Variants in MGAT4C observed in about 807,000 individuals in gnomAD.
MGAT4C encodes the protein alpha-1,3-mannosyl-glycoprotein 4-beta-N-acetylglucosaminyltransferase C.
Under a neutral mutation model 40.1 loss-of-function variants are expected in MGAT4C, and 19 were observed. The ratio of observed to expected loss-of-function variants is 0.47; its 90% confidence interval spans 0.33 to 0.70. The LOEUF (loss-of-function observed/expected upper bound fraction) is 0.70, where lower values mean the gene tolerates loss of function less well. Among genes scored for constraint, MGAT4C ranks in the 30% least tolerant of loss-of-function variants. The pLI is 0.02. For missense variants in MGAT4C, 491 were observed against 563.2 expected, an observed-to-expected ratio of 0.87 and a Z score of 1.30; for synonymous variants, 181 against 187.1, an observed-to-expected ratio of 0.97 and a Z score of 0.27.
At chr12:86,816,452 T>C (rs570378588) in intron 1 of MGAT4C, among the ~76,000 whole-genome samples, 1 of 151,798 alleles carries the variant, frequency 6.6e-6, no homozygotes, top group African/African-American at 2.4e-5. Context: ...GTTTCAAATT[T>C]TTTTAAAAAA....
chr12:86,713,139 C>T (rs865857324), intron 2 of MGAT4C, among the ~76,000 whole-genome samples: 7 of 151,852 alleles, frequency 4.6e-5, no homozygotes, highest in Middle Eastern at 3.2e-3. Context: ...TATACAATTA[C>T]ATTAAGGGAT....
At chr12:86,376,783 A>C (rs1955830297) in intron 3 of MGAT4C, among the ~76,000 whole-genome samples, 1 of 148,490 alleles carries the variant, frequency 6.7e-6, no homozygotes, top group African/African-American at 2.5e-5. Flanking sequence ...AGAAAGAGAG[A>C]GAGAGACAGA....
intron 2 of MGAT4C, among the ~76,000 whole-genome samples, chr12:86,661,604 A>T (rs1011598369): frequency 6.6e-6 from 1 of 152,184 alleles, no homozygotes; most frequent in Non-Finnish European, 1.5e-5. Flanking sequence ...AGGTGAGTTA[A>T]TAAAGTATCT....
intron 1 of MGAT4C, among the ~76,000 whole-genome samples, chr12:86,131,821 A>G (rs1881229495): frequency 6.6e-6 from 1 of 152,038 alleles, no homozygotes; most frequent in Admixed American, 6.6e-5. Flanking sequence ...CTTAGGCTGT[A>G]TATTATATAA....
At chr12:86,401,848 A>C (rs907297386) in intron 3 of MGAT4C, among the ~76,000 whole-genome samples, 4 of 152,162 alleles carry the variant, frequency 2.6e-5, no homozygotes, top group Non-Finnish European at 4.4e-5. Context: ...AATAGTTAAC[A>C]GTCAAAAATA....
intron 1 of MGAT4C, among the ~76,000 whole-genome samples, chr12:86,149,485 T>G (rs894740737): frequency 2.6e-5 from 4 of 152,212 alleles, no homozygotes; most frequent in Admixed American, 2.6e-4. Flanking sequence ...GTGAGTTCAT[T>G]TTTACAGTGT....
intron 1 of MGAT4C, among the ~76,000 whole-genome samples, chr12:86,218,336 A>G (rs1169548830): frequency 6.6e-6 from 1 of 152,048 alleles, no homozygotes; most frequent in Non-Finnish European, 1.5e-5. Context: ...TGAACCCTTG[A>G]TATTTTTGAC....
At chr12:86,798,969 A>G (rs1952177653) in intron 1 of MGAT4C, among the ~76,000 whole-genome samples, 1 of 151,904 alleles carries the variant, frequency 6.6e-6, no homozygotes, top group Non-Finnish European at 1.5e-5. Flanking sequence ...GCCACTTTAT[A>G]GAAGGGACCT....
chr12:86,762,875 C>T (rs1414657080), intron 1 of MGAT4C, among the ~76,000 whole-genome samples: 1 of 152,100 alleles, frequency 6.6e-6, no homozygotes, highest in East Asian at 1.9e-4. Context: ...CTGCCATTTT[C>T]AAATGAAAAG....
chr12:86,485,680 C>A (rs1419315580), intron 2 of MGAT4C, among the ~76,000 whole-genome samples: 1 of 151,906 alleles, frequency 6.6e-6, no homozygotes, highest in Non-Finnish European at 1.5e-5. Context: ...GAAAATGCCC[C>A]CAATCTTTCT....
At chr12:86,414,373 G>A (rs1040666076) in intron 3 of MGAT4C, among the ~76,000 whole-genome samples, 5 of 152,010 alleles carry the variant, frequency 3.3e-5, no homozygotes, top group South Asian at 2.1e-4. Flanking sequence ...TTCTCCTCAC[G>A]GAAATAGTGT....
At chr12:86,166,239 A>G (rs1407213375) in intron 1 of MGAT4C, among the ~76,000 whole-genome samples, 2 of 152,250 alleles carry the variant, frequency 1.3e-5, no homozygotes, top group East Asian at 3.8e-4. Context: ...AAAATTATTA[A>G]GATAATAAAA....
chr12:86,420,499 T>C (rs1956799175), intron 3 of MGAT4C, among the ~76,000 whole-genome samples: 1 of 152,108 alleles, frequency 6.6e-6, no homozygotes, highest in Admixed American at 6.6e-5. Context: ...TACAGTACCA[T>C]AAAATAGGCT....
chr12:86,090,614 A>T (rs1340041815), intron 1 of MGAT4C, among the ~76,000 whole-genome samples: 3 of 151,660 alleles, frequency 2.0e-5, no homozygotes, highest in Non-Finnish European at 4.4e-5. Flanking sequence ...CAGTCTATGT[A>T]TTTTTTCCAG....
intron 2 of MGAT4C, among the ~76,000 whole-genome samples, chr12:86,610,834 C>A (rs1444725106): frequency 6.8e-6 from 1 of 146,028 alleles, no homozygotes; most frequent in East Asian, 2.1e-4. Context: ...GAAAGTAGTA[C>A]GTGGGGTCCA....
At chr12:86,685,708 G>C (rs1235817265) in intron 2 of MGAT4C, among the ~76,000 whole-genome samples, 2 of 152,088 alleles carry the variant, frequency 1.3e-5, no homozygotes, top group African/African-American at 4.8e-5. Context: ...TTATTTCTTT[G>C]AGCAGTGGTT....
intron 2 of MGAT4C, among the ~76,000 whole-genome samples, chr12:86,701,575 T>G (rs937791900): frequency 6.6e-6 from 1 of 152,162 alleles, no homozygotes; most frequent in African/African-American, 2.4e-5. Flanking sequence ...TCCCTAGTAC[T>G]TGACATACAA....
At chr12:86,326,056 T>A (rs1283563126) in intron 4 of MGAT4C, among the ~76,000 whole-genome samples, 8 of 152,108 alleles carry the variant, frequency 5.3e-5, no homozygotes, top group African/African-American at 1.9e-4. Context: ...ATATTACTGA[T>A]CTGAGCTTGC....
chr12:86,365,762 G>C (rs987911094), intron 3 of MGAT4C, among the ~76,000 whole-genome samples: 7 of 149,802 alleles, frequency 4.7e-5, no homozygotes, highest in African/African-American at 1.7e-4. Context: ...CTGTTCTATT[G>C]GTCTTGTTTC....
Sources: gnomAD v4.1 joint callset for allele counts (sites outside exome capture counted in the v4.1 genomes callset) on GRCh38, gnomAD v4.1.1 for gene constraint, MANE v1.5 for transcripts, NCBI Gene and HGNC (gene_info 2026-07-23, HGNC 2026-07-21) for gene names.